The following IZUMO4 variants were observed in gnomAD, a reference collection of about 807,000 sequenced individuals.
The protein encoded by IZUMO4 is izumo sperm-egg fusion protein 4.
IZUMO4 carries 51 observed loss-of-function variants against 37.1 expected under a neutral mutation model. The ratio of observed to expected loss-of-function variants is 1.38; its 90% CI spans 1.10 to 1.74. IZUMO4 has a LOEUF of 1.74. Ranked by LOEUF, IZUMO4 falls within the 40% of genes most tolerant of loss-of-function variation. The pLI, the probability that IZUMO4 is intolerant of heterozygous loss-of-function variation, is 0.00. For synonymous variants in IZUMO4, 162 were observed against 121.4 expected (o/e 1.33, Z -2.20); for missense variants, 364 against 299.6 (o/e 1.21, Z -1.59).
Position 2,097,024 on chromosome 19 carries a change from A to G in IZUMO4, c.79A>G (p.Lys27Glu), listed in dbSNP as rs1376371567. Residue 27 changes from lysine (K) to glutamate (E), a missense_variant, in exon 1 of 10, where the codon AAG (lysine) becomes GAG (glutamate). Transcript: ENST00000395301. Reference sequence around the variant, plus strand: ...TCTGCACTGCCACAGCAACTTCTCCAAGAAGTTCTCCTTCTACCGCCACCA... The same window carrying G: ...TCTGCACTGCCACAGCAACTTCTCCGAGAAGTTCTCCTTCTACCGCCACCA... ...GCLHCHSNFS[K>E]KFSFYRHHVN... 2 of 1,611,990 alleles carry G rather than the reference A, an allele frequency of 1.2e-6. No individual in the cohort carries two copies. The highest frequency in any genetic ancestry group is 2.7e-5 in the African/African-American group (2 of 74,924).
rs777221844 is a variant in IZUMO4 at position 2,099,343 on chromosome 19, T to C, written c.697T>C (p.Ter233ArgextTer74). Residue 233 changes from the stop codon to arginine (R), a stop_lost, in exon 10 of 10, where the codon TGA (stop) becomes CGA (arginine). Coordinates refer to ENST00000395301, the MANE Select transcript of IZUMO4 (RefSeq NM_001039846.2). Reference protein sequence around the residue: ...EDAAECLKQH* With the variant: ...EDAAECLKQHR ...TGCTGCTGAGTGTCTCAAGCAGCAC[T>C]GACAGCAGCTGGGCCTGCCCCAGGG... The C allele has an allele frequency of 1.2e-6, 2 of 1,610,208 alleles. No individual in the cohort carries two copies. Among genetic ancestry groups the C allele is most frequent in the South Asian group, 2.2e-5 (2 of 90,834 alleles).
Position 2,098,735 on chromosome 19 carries a change from G to A in IZUMO4, c.537-52G>A, listed in dbSNP as rs373476005. ...GTCAGAGCCTGGGAGGGTTCCCTAC[G>A]ATGGTTAGGGGTGCCCCATGGAGGG... On this transcript the variant is annotated intron_variant, in intron 7 of 9. Coordinates refer to ENST00000395301, the MANE Select transcript of IZUMO4 (RefSeq NM_001039846.2). The A allele has an allele frequency of 1.7e-4, 267 of 1,601,618 alleles. No homozygotes were observed. In the African/African-American group the frequency reaches 3.3e-3, roughly 20 times the overall value.
Position 2,098,970 on chromosome 19 carries a change from G to C in IZUMO4, c.555-6G>C, listed in dbSNP as rs934941055. On this transcript the variant is annotated splice_region_variant and splice_polypyrimidine_tract_variant and intron_variant, in intron 8 of 9. Transcript: ENST00000395301. ...AACCACACCCATGTGGTGGTTTCAT[G>C]AACAGACCACGCTCCTCTGCCTTCT... The C allele has an allele frequency of 6.2e-7, 1 of 1,613,090 alleles. No individual in the cohort carries two copies. The highest frequency in any genetic ancestry group is 8.5e-7 in the Non-Finnish European group (1 of 1,179,940).
chr19:2,097,907 G>T (rs763200737), intron 3 of IZUMO4, 22 bp from the exon 4 acceptor site: 1 of 1,612,738 alleles, frequency 6.2e-7, no homozygotes, highest in South Asian at 1.1e-5. Flanking sequence ...TGGTAAGATG[G>T]CGCTGTCCTG....
chr19:2,098,066 G>T lies in IZUMO4; in HGVS notation c.412G>T (p.Glu138Ter). 1 of 1,613,430 alleles carries T rather than the reference G, an allele frequency of 6.2e-7. No individual in the cohort carries two copies. The highest frequency in any genetic ancestry group is 8.5e-7 in the Non-Finnish European group (1 of 1,180,012). Residue 138 changes from glutamate (E) to a stop codon, truncating the protein, a stop_gained, in exon 5 of 10, where the codon GAG becomes TAG. Transcript: ENST00000395301. LOFTEE classifies it high-confidence loss of function. ...ACGTGTTTCAGGCATCTTCCAGTAC[G>T]AGACCATCTCCTGCAACAACTGCAC... Reference protein sequence around the residue: ...CQHRCGIFQYETISCNNCTDS... With the variant: ...CQHRCGIFQY
rs371218042 is a variant in IZUMO4 at position 2,098,428 on chromosome 19, C to T, written c.522-8C>T. The T allele has an allele frequency of 1.2e-6, 2 of 1,613,858 alleles. No individual in the cohort carries two copies. Among genetic ancestry groups the T allele is most frequent in the Non-Finnish European group, 1.7e-6 (2 of 1,180,034 alleles). The stretch of plus-strand genomic sequence containing the variant: ...GGCCTCCTGAGTCCAAACCCACTGT[C>T]TTTGTAGAAATAACTGGCACAAGTA... On this transcript the variant is annotated splice_region_variant and splice_polypyrimidine_tract_variant and intron_variant, in intron 6 of 9. Coordinates refer to ENST00000395301, the MANE Select transcript of IZUMO4 (RefSeq NM_001039846.2).
rs1176658767 is a variant in IZUMO4, at chr19:2,099,309, C to G, written c.663C>G (p.Thr221=). ...CLEPPHLANL[T]LEDAAECLKQ... is the part of the protein sequence containing the mutation. Reference sequence around the variant, plus strand: ...AGCCCCCACACTTGGCCAACCTGACCTTGGAAGATGCTGCTGAGTGTCTCA... The same window carrying G: ...AGCCCCCACACTTGGCCAACCTGACGTTGGAAGATGCTGCTGAGTGTCTCA... Residue 221 remains threonine, a synonymous_variant, in exon 10 of 10, where the codon ACC becomes ACG. Transcript: ENST00000395301. 1 of 1,613,472 alleles carries G rather than the reference C, an allele frequency of 6.2e-7. No homozygotes were observed. Among genetic ancestry groups the G allele is most frequent in the Non-Finnish European group, 8.5e-7 (1 of 1,179,936 alleles).
intron 6 of IZUMO4, 30 bp from the exon 7 acceptor site, chr19:2,098,406 C>T: frequency 6.2e-7 from 1 of 1,613,980 alleles, no homozygotes. Context: ...GCCACTCGGC[C>T]TCCTGAGTCC....
chr19:2,099,526 T>C lies in IZUMO4; in HGVS notation c.*181T>C. On this transcript the variant is annotated 3_prime_UTR_variant, in exon 10 of 10. Transcript: ENST00000395301. ...GAATGGGGGTGGGCTGTGCGCAGCATCAGCGCCTGGGCAGGTCCGCAGAGC... is the reference window on the plus strand; with the variant it reads ...GAATGGGGGTGGGCTGTGCGCAGCACCAGCGCCTGGGCAGGTCCGCAGAGC... The C allele has an allele frequency of 1.7e-6, 1 of 595,980 alleles. No homozygotes were observed. The highest frequency in any genetic ancestry group is 4.5e-4 in the Middle Eastern group (1 of 2,202). The allele number at this position is 595,980 out of a possible 1,614,324, so 36.9% of individuals were successfully genotyped here.
intron 7 of IZUMO4, 45 bp from the exon 8 acceptor site, chr19:2,098,742 A>G (rs756653552): frequency 5.0e-6 from 8 of 1,604,288 alleles, no homozygotes; most frequent in Admixed American, 3.5e-5. Flanking sequence ...TACGATGGTT[A>G]GGGGTGCCCC....
chr19:2,099,116 AT>A, intron 9 of IZUMO4, 87 bp downstream of exon 9: 1 of 1,404,924 alleles, frequency 7.1e-7, no homozygotes, highest in South Asian at 1.1e-5. Flanking sequence ...CCCTGCTGAC[AT>A]CCCAGGCACG....
chr19:2,098,599 A>C, intron 7 of IZUMO4, 149 bp downstream of exon 7: 1 of 1,585,972 alleles, frequency 6.3e-7, no homozygotes, highest in Non-Finnish European at 8.6e-7. Context: ...TCTGCGCAGG[A>C]GGCGGCTGCA....
In IZUMO4 at chr19:2,097,174, A is replaced by G. The variant is rs745994845; in HGVS notation, c.217+12A>G. 81 of 1,607,286 alleles carry G rather than the reference A, an allele frequency of 5.0e-5. No individual in the cohort carries two copies. Among genetic ancestry groups the G allele is most frequent in the Non-Finnish European group, 6.9e-5 (81 of 1,176,194 alleles). On this transcript the variant is annotated intron_variant, in intron 1 of 9. Coordinates refer to ENST00000395301, the MANE Select transcript of IZUMO4 (RefSeq NM_001039846.2). ...CCCCGCCAAGATCAGTGAGTGCCGG[A>G]GCCCAGCCCAGTCCCGACTACCCCG...
In IZUMO4 at chr19:2,099,188, G is replaced by A. The variant is rs1218027035; in HGVS notation, c.609-67G>A. ...CGTCCCAGCTGGGAGGAGAGGCCTG[G>A]GGCCCCCAGGGAGGGAGGCAGGGGG... On this transcript the variant is annotated intron_variant, in intron 9 of 9. Coordinates refer to ENST00000395301, the MANE Select transcript of IZUMO4 (RefSeq NM_001039846.2). 1.8e-5 allele frequency: 27 copies of A among 1,482,740 alleles called. No homozygotes were observed. In the East Asian group the frequency reaches 4.3e-4, roughly 24 times the overall value. The allele number at this position is 1,482,740 out of a possible 1,614,324, so 91.8% of individuals were successfully genotyped here. A position where few individuals can be genotyped will look rare whatever the true frequency, so the allele number is the denominator to read the frequency against.
In IZUMO4 at chr19:2,099,372, C is replaced by T. The variant is rs1555698109; in HGVS notation, c.*27C>T. The T allele has an allele frequency of 2.6e-6, 4 of 1,530,464 alleles. No individual in the cohort carries two copies. Among genetic ancestry groups the T allele is most frequent in the East Asian group, 4.7e-5 (2 of 42,446 alleles). 94.8% of individuals were successfully genotyped at this position (1,530,464 alleles called of 1,614,324 possible). ...AGCAGCTGGGCCTGCCCCAGGGCAA[C>T]GTGGGGGCGGAGACTCAGCTGGACA... On this transcript the variant is annotated 3_prime_UTR_variant, in exon 10 of 10. Coordinates refer to ENST00000395301, the MANE Select transcript of IZUMO4 (RefSeq NM_001039846.2).
Position 2,097,471 on chromosome 19 carries a change from C to T in IZUMO4, c.346C>T (p.Leu116Phe). The stretch of plus-strand genomic sequence containing the variant: ...AAACATCTTCCGGGAGCAGGTGCAC[C>T]TCATCCAGAACGCCATCATCGAAAG... ...LRNIFREQVH[L>F]IQNAIIESRI... The change falls in exon 3 of 10, where the codon CTC becomes TTC. Residue 116 changes from leucine (L) to phenylalanine (F), a missense_variant. By Grantham distance (22) the Leu-to-Phe change is conservative (BLOSUM62 0). Coordinates refer to ENST00000395301, the MANE Select transcript of IZUMO4 (RefSeq NM_001039846.2). 1 of 1,613,372 alleles carries T rather than the reference C, an allele frequency of 6.2e-7. No individual in the cohort carries two copies. Among genetic ancestry groups the T allele is most frequent in the Non-Finnish European group, 8.5e-7 (1 of 1,179,884 alleles).
chr19:2,099,208 A>AG, intron 9 of IZUMO4, 47 bp from the exon 10 acceptor site: 2 of 1,547,784 alleles, frequency 1.3e-6, no homozygotes, highest in Non-Finnish European at 1.8e-6. Flanking sequence ...GGAGGGAGGC[A>AG]GGGGGTGGGG....
chr19:2,099,013 A>AG lies in IZUMO4; in HGVS notation c.593dup (p.Ala199SerfsTer29). On this transcript the variant is annotated frameshift_variant, in exon 9 of 10. Coordinates refer to ENST00000395301, the MANE Select transcript of IZUMO4 (RefSeq NM_001039846.2). LOFTEE classifies it low-confidence loss of function (END_TRUNC). Reference sequence around the variant, plus strand: ...TGCCTTCTCCTGGCCTGGGACACACAGAGCCACCCCGGCCTTGTGAGTGAC... The same window carrying AG: ...TGCCTTCTCCTGGCCTGGGACACACAGGAGCCACCCCGGCCTTGTGAGTGAC... 6.2e-7 allele frequency: 1 copy of AG among 1,613,128 alleles called. No homozygotes were observed. The highest frequency in any genetic ancestry group is 8.5e-7 in the Non-Finnish European group (1 of 1,179,966).
chr19:2,098,397 C>T (rs200378084), intron 6 of IZUMO4, 39 bp from the exon 7 acceptor site: 14 of 1,613,980 alleles, frequency 8.7e-6, no homozygotes, highest in African/African-American at 1.3e-5. Flanking sequence ...CTGGCCACGG[C>T]CACTCGGCCT....
Sources: gnomAD v4.1 joint callset for allele counts on GRCh38, gnomAD v4.1.1 for gene constraint, MANE v1.5 for transcripts, NCBI Gene and HGNC (gene_info 2026-07-23, HGNC 2026-07-21) for gene names.